ANKFN1: variants seen among roughly 807,000 people sequenced by gnomAD.
The protein encoded by ANKFN1 is ankyrin repeat and fibronectin type III domain containing 1.
ANKFN1 carries 74 observed loss-of-function variants against 108.7 expected under a neutral mutation model. That is an observed-to-expected ratio of 0.68 (90% CI 0.56 to 0.83). The LOEUF (loss-of-function observed/expected upper bound fraction) is 0.83. Among genes scored for constraint, ANKFN1 ranks in the 40% least tolerant of loss-of-function variants. The pLI, the probability that ANKFN1 is intolerant of heterozygous loss-of-function variation, is 0.00. For synonymous variants in ANKFN1, 547 were observed against 516.2 expected, an observed-to-expected ratio of 1.06 and a Z score of -0.81; for missense variants, 1,505 against 1,382.3, an observed-to-expected ratio of 1.09 and a Z score of -1.41.
intron 8 of ANKFN1, among the ~76,000 whole-genome samples, chr17:56,419,166 A>G (rs1484035933): frequency 6.6e-6 from 1 of 152,184 alleles, no homozygotes; most frequent in South Asian, 2.1e-4. Context: ...TTTCTTCTCC[A>G]TGGCCCTGCC....
At chr17:56,066,520 A>G (rs1432610876) in intron 4 of ANKFN1, among the ~76,000 whole-genome samples, 1 of 152,194 alleles carries the variant, frequency 6.6e-6, no homozygotes, top group Non-Finnish European at 1.5e-5. Flanking sequence ...TTTTACATAT[A>G]ATGGATTAGA....
intron 1 of ANKFN1, among the ~76,000 whole-genome samples, 69 bp from the exon 2 acceptor site, chr17:56,212,529 G>C (rs1264869603): frequency 2.0e-5 from 3 of 152,106 alleles, no homozygotes. Context: ...TTCTGGTTTT[G>C]ATATTAGGGT....
intron 6 of ANKFN1, among the ~76,000 whole-genome samples, chr17:56,369,011 T>C (rs537856796): frequency 6.6e-6 from 1 of 152,346 alleles, no homozygotes; most frequent in East Asian, 1.9e-4. Flanking sequence ...TTCTAATGCA[T>C]GTATTCGGGT....
chr17:56,189,954 G>A (rs1260379695), intron 1 of ANKFN1, among the ~76,000 whole-genome samples: 1 of 149,416 alleles, frequency 6.7e-6, no homozygotes, highest in Non-Finnish European at 1.5e-5. Flanking sequence ...CAAAAAGACA[G>A]CCCTTTCAAC....
chr17:56,064,703 G>A (rs1905032982), intron 4 of ANKFN1, among the ~76,000 whole-genome samples: 2 of 152,224 alleles, frequency 1.3e-5, no homozygotes, highest in Non-Finnish European at 2.9e-5. Flanking sequence ...TCTCCCCTAA[G>A]GAGCTCAAAT....
intron 1 of ANKFN1, among the ~76,000 whole-genome samples, chr17:56,205,130 C>T (rs1038695708): frequency 1.3e-5 from 2 of 152,136 alleles, no homozygotes; most frequent in Non-Finnish European, 2.9e-5. Flanking sequence ...CCCTTCTTGG[C>T]TCCATTCTCC....
At chr17:56,230,241 A>T (rs1916630571) in intron 3 of ANKFN1, among the ~76,000 whole-genome samples, 1 of 152,094 alleles carries the variant, frequency 6.6e-6, no homozygotes, top group African/African-American at 2.4e-5. Context: ...GATGGAAGGA[A>T]CTCAGGAGCA....
At chr17:56,289,477 G>T (rs1053213816) in intron 3 of ANKFN1, among the ~76,000 whole-genome samples, 1 of 152,190 alleles carries the variant, frequency 6.6e-6, no homozygotes, top group African/African-American at 2.4e-5. Flanking sequence ...CCAGTGTGAA[G>T]TTCTCATTCA....
chr17:56,453,231 T>G (rs1041630093), intron 11 of ANKFN1, among the ~76,000 whole-genome samples: 1 of 152,086 alleles, frequency 6.6e-6, no homozygotes, highest in Non-Finnish European at 1.5e-5. Flanking sequence ...CTTATTTGCG[T>G]GCATAGTTCC....
intron 3 of ANKFN1, chr17:56,258,496 T>G (rs2043415647): frequency 6.6e-6 from 1 of 152,238 alleles, no homozygotes; most frequent in Non-Finnish European, 1.5e-5. Flanking sequence ...CAGACCTGTG[T>G]GCACCTGGAG....
At chr17:56,341,633 AC>A (rs1311552567) in intron 4 of ANKFN1, among the ~76,000 whole-genome samples, 1 of 152,040 alleles carries the variant, frequency 6.6e-6, no homozygotes, top group Non-Finnish European at 1.5e-5. Flanking sequence ...TGTTGAACCA[AC>A]TTTGCATCCT....
rs371117890 is a variant in ANKFN1, at chr17:56,229,109, C to G, written c.53+1152C>G. ...CACTGCTGTACATCAAATACTCAAG[C>G]GTTAGCACAAAAGACATTCACCCTC... On this transcript the variant is annotated intron_variant, in intron 3 of 20. Transcript: ENST00000682825. Among the ~76,000 whole-genome samples, 99 of 152,160 alleles carry G rather than the reference C, an allele frequency of 6.5e-4. 2 individuals are homozygous for G. The highest frequency in any genetic ancestry group is 2.3e-3 in the African/African-American group (94 of 41,524).
chr17:56,371,285 A>G (rs1197594991), intron 6 of ANKFN1, among the ~76,000 whole-genome samples: 1 of 152,200 alleles, frequency 6.6e-6, no homozygotes, highest in Non-Finnish European at 1.5e-5. Flanking sequence ...AAAGAAAAAG[A>G]AAAAAGACTC....
At chr17:56,213,422 C>T (rs1915185192) in intron 2 of ANKFN1, among the ~76,000 whole-genome samples, 1 of 152,144 alleles carries the variant, frequency 6.6e-6, no homozygotes, top group African/African-American at 2.4e-5. Context: ...AAGACAATCT[C>T]CTCCTAGACA....
At chr17:56,095,915 C>G (rs993472199) in intron 4 of ANKFN1, among the ~76,000 whole-genome samples, 40 of 152,302 alleles carry the variant, frequency 2.6e-4, no homozygotes, top group African/African-American at 7.0e-4. Context: ...GGATTTTAGT[C>G]TGATGTAAAG....
intron 8 of ANKFN1, among the ~76,000 whole-genome samples, chr17:56,405,648 G>T (rs1312286571): frequency 2.0e-5 from 3 of 152,092 alleles, no homozygotes; most frequent in Non-Finnish European, 4.4e-5. Flanking sequence ...GTAAAATATA[G>T]AGTATCTTTC....
chr17:56,199,696 C>T (rs1913869784), intron 1 of ANKFN1, among the ~76,000 whole-genome samples: 1 of 152,164 alleles, frequency 6.6e-6, no homozygotes, highest in African/African-American at 2.4e-5. Context: ...GTGTACCAGG[C>T]AGGGTCGCCA....
At chr17:56,400,433 GT>G (rs71139905) in intron 8 of ANKFN1, among the ~76,000 whole-genome samples, 114,603 of 151,812 alleles carry the variant, frequency 0.75, 43,431 homozygotes, top group East Asian at 0.96. Context: ...TGATGAGGTT[GT>G]TTTTTTTCTT....
chr17:56,310,038 A>G (rs59641260), intron 3 of ANKFN1, among the ~76,000 whole-genome samples: 127 of 152,288 alleles, frequency 8.3e-4, no homozygotes, highest in African/African-American at 2.9e-3. Context: ...TTGAGCCATG[A>G]TGATGTCAGT....
Sources: allele counts gnomAD v4.1 joint callset (sites outside exome capture counted in the v4.1 genomes callset), GRCh38; gene constraint gnomAD v4.1.1; transcripts MANE v1.5; gene names NCBI Gene and HGNC (gene_info 2026-07-23, HGNC 2026-07-21).